ATXN1: variants seen among roughly 807,000 people sequenced by gnomAD.
ATXN1 encodes the protein ataxin 1, also known as ataxin-1.
Under a neutral mutation model 56.4 loss-of-function variants are expected in ATXN1, and 8 were observed. The ratio of observed to expected loss-of-function variants is 0.14; its 90% confidence interval spans 0.08 to 0.26. The LOEUF is 0.26. ATXN1 is among the 10% of genes least tolerant of loss of function. ATXN1 has a pLI of 1.00. For missense variants in ATXN1, 987 were observed against 1,106.5 expected (o/e 0.89, Z 1.53); for synonymous variants, 514 against 494.6 (o/e 1.04, Z -0.52).
intron 2 of ATXN1, among the ~76,000 whole-genome samples, chr6:16,706,723 CAAA>C (rs773199840): frequency 4.9e-5 from 1 of 20,580 alleles, no homozygotes. Context: ...GACTCCATCT[CAAA>C]AAAAAAAAAA....
chr6:16,396,734 G>C (rs1758466542), intron 6 of ATXN1, among the ~76,000 whole-genome samples: 1 of 152,124 alleles, frequency 6.6e-6, no homozygotes, highest in East Asian at 1.9e-4. Flanking sequence ...GCAACTTCCA[G>C]TCCTGCAAGC....
At chr6:16,706,508 A>AG (rs1339998776) in intron 2 of ATXN1, among the ~76,000 whole-genome samples, 1 of 152,150 alleles carries the variant, frequency 6.6e-6, no homozygotes, top group Non-Finnish European at 1.5e-5. Flanking sequence ...GTGGATCACG[A>AG]GGTCAGGAGT....
At chr6:16,349,410 G>A (rs535259352) in intron 6 of ATXN1, among the ~76,000 whole-genome samples, 1 of 152,086 alleles carries the variant, frequency 6.6e-6, no homozygotes, top group South Asian at 2.1e-4. Context: ...GGCTGAGGCA[G>A]AAGAATCACT....
In ATXN1 at chr6:16,506,882, T is replaced by A. The variant is rs1263254342; in HGVS notation, c.-299+15745A>T. On this transcript the variant is annotated intron_variant, in intron 5 of 7. Transcript: ENST00000436367. The surrounding 1 kb of genome is among the most constrained non-coding windows in gnomAD (Gnocchi z 4.1). ...ACATCATTCAACGCCATGTAATGAG[T>A]TGACACCACTGAAATAAACCAAAGG... Among the ~76,000 whole-genome samples, 1 of 152,160 alleles carries A rather than the reference T, an allele frequency of 6.6e-6. No homozygotes were observed. Among genetic ancestry groups the A allele is most frequent in the African/African-American group, 2.4e-5 (1 of 41,438 alleles).
At chr6:16,516,079 C>T (rs1454109116) in intron 5 of ATXN1, among the ~76,000 whole-genome samples, 1 of 152,210 alleles carries the variant, frequency 6.6e-6, no homozygotes, top group Non-Finnish European at 1.5e-5. Flanking sequence ...TAAGTTTAGC[C>T]ACCTGCTAAA....
intron 1 of ATXN1, chr6:16,754,595 T>C (rs1414252331): frequency 6.6e-6 from 1 of 152,218 alleles, no homozygotes; most frequent in Non-Finnish European, 1.5e-5. Context: ...TCCACTTCTT[T>C]CCAGCACTTT....
At chr6:16,565,404 C>T (rs746629482) in intron 4 of ATXN1, among the ~76,000 whole-genome samples, 3 of 152,108 alleles carry the variant, frequency 2.0e-5, no homozygotes, top group Non-Finnish European at 4.4e-5. Flanking sequence ...TTTGATTTAT[C>T]TGATAAACAT....
intron 7 of ATXN1, among the ~76,000 whole-genome samples, chr6:16,320,950 CA>C (rs1760635999): frequency 6.6e-6 from 1 of 152,198 alleles, no homozygotes; most frequent in Non-Finnish European, 1.5e-5. Flanking sequence ...TCTAGACTTT[CA>C]TCAGCTGCCT....
At chr6:16,644,586 G>GTGTA (rs755274853) in intron 3 of ATXN1, among the ~76,000 whole-genome samples, 1 of 148,254 alleles carries the variant, frequency 6.7e-6, no homozygotes, top group Non-Finnish European at 1.5e-5. Context: ...GTGTGTGTGT[G>GTGTA]TATACACACA....
rs143415004 is a variant in ATXN1, at chr6:16,489,060, A to G, written c.-298-2951T>C. On this transcript the variant is annotated intron_variant, in intron 5 of 7. Coordinates refer to ENST00000436367, the MANE Select transcript of ATXN1 (RefSeq NM_001128164.2). ...CCACAGCACTTACAGTCTCTACCAC[A>G]CATTCTGACCCAAGGTCCTTTTCAG... Among the ~76,000 whole-genome samples, 20 of 152,204 alleles carry G rather than the reference A, an allele frequency of 1.3e-4. No individual in the cohort carries two copies. In the East Asian group the frequency reaches 3.9e-3, roughly 29 times the overall value.
intron 6 of ATXN1, among the ~76,000 whole-genome samples, chr6:16,444,572 T>C (rs1458097227): frequency 1.3e-5 from 2 of 152,180 alleles, no homozygotes; most frequent in African/African-American, 2.4e-5. Flanking sequence ...GGTTTGACAC[T>C]GTGAACTAGC....
At position 16,474,690 on chromosome 6, in the gene ATXN1, T is replaced by G. The variant is rs553511552; in HGVS notation, c.-161+11282A>C. Among the ~76,000 whole-genome samples, 23 of 152,086 alleles carry G rather than the reference T, an allele frequency of 1.5e-4. 1 individual carries two copies. In the South Asian group the frequency reaches 3.5e-3, roughly 23 times the overall value. On this transcript the variant is annotated intron_variant, in intron 6 of 7. Transcript: ENST00000436367. ...CTGATCCCAGAAGATGCCATGCTGG[T>G]CTGCATCCATGGCAACCTGTGGGTA...
At chr6:16,344,801 AT>A (rs1418086187) in intron 6 of ATXN1, among the ~76,000 whole-genome samples, 1 of 152,150 alleles carries the variant, frequency 6.6e-6, no homozygotes, top group African/African-American at 2.4e-5. Flanking sequence ...TCCCCTTCAT[AT>A]ATACATCTAT....
At chr6:16,635,631 T>C (rs927578498) in intron 3 of ATXN1, among the ~76,000 whole-genome samples, 8 of 152,234 alleles carry the variant, frequency 5.3e-5, no homozygotes, top group East Asian at 1.9e-4. Context: ...CTCATTCATA[T>C]GTGTGAGTTC....
At chr6:16,661,742 G>A (rs1758324747) in intron 2 of ATXN1, among the ~76,000 whole-genome samples, 2 of 152,194 alleles carry the variant, frequency 1.3e-5, no homozygotes, top group Non-Finnish European at 2.9e-5. Context: ...CTGACTGCCA[G>A]GCTGTGATGC....
At chr6:16,411,278 T>A (rs1362624673) in intron 6 of ATXN1, among the ~76,000 whole-genome samples, 1 of 152,036 alleles carries the variant, frequency 6.6e-6, no homozygotes, top group Non-Finnish European at 1.5e-5. Context: ...AATAATAACA[T>A]AACTAATTTT....
intron 2 of ATXN1, among the ~76,000 whole-genome samples, chr6:16,676,148 G>C (rs1758656159): frequency 1.3e-5 from 2 of 152,196 alleles, no homozygotes; most frequent in Non-Finnish European, 2.9e-5. Context: ...TGGTAAGTGT[G>C]AGTGAGTTTG....
At chr6:16,482,483 G>A (rs536255002) in intron 6 of ATXN1, among the ~76,000 whole-genome samples, 8 of 152,250 alleles carry the variant, frequency 5.3e-5, no homozygotes, top group African/African-American at 1.7e-4. Flanking sequence ...TGTAGATCAG[G>A]GAAGGCTGCT....
intron 7 of ATXN1, among the ~76,000 whole-genome samples, chr6:16,319,978 G>A (rs539224030): frequency 1.2e-4 from 18 of 151,988 alleles, no homozygotes; most frequent in African/African-American, 1.9e-4. Flanking sequence ...CAACAACTGC[G>A]GCACAAATCC....
Sources: gnomAD v4.1 joint callset for allele counts (sites outside exome capture counted in the v4.1 genomes callset) on GRCh38, gnomAD v4.1.1 for gene constraint, Gnocchi (gnomAD v3.1) non-coding constraint, MANE v1.5 for transcripts, NCBI Gene and HGNC (gene_info 2026-07-23, HGNC 2026-07-21) for gene names.